The following PREX2 variants were observed in gnomAD, a reference collection of about 807,000 sequenced individuals.
PREX2 encodes the protein phosphatidylinositol 3,4,5-trisphosphate-dependent Rac exchanger 2 protein.
In PREX2, 107 loss-of-function variants were observed where a neutral mutation model predicts 203.2. That is an observed-to-expected ratio of 0.53 (90% CI 0.45 to 0.62). PREX2 has a LOEUF of 0.62. Ranked by LOEUF, PREX2 falls within the 20% of genes least tolerant of loss-of-function variation. The pLI, the probability that PREX2 is intolerant of heterozygous loss-of-function variation, is 0.00. For missense variants in PREX2, 1,777 were observed against 1,955.9 expected (o/e 0.91, Z 1.72); for synonymous variants, 672 against 663.6 (o/e 1.01, Z -0.19).
chr8:68,082,335 A>T (rs1253745145), intron 17 of PREX2: 1 of 152,132 alleles, frequency 6.6e-6, no homozygotes, highest in Non-Finnish European at 1.5e-5. Context: ...TTAGTGGTAA[A>T]CTGTCACCCA....
chr8:68,128,498 T>C (rs1810939982), intron 31 of PREX2, among the ~76,000 whole-genome samples: 1 of 152,182 alleles, frequency 6.6e-6, no homozygotes, highest in Admixed American at 6.5e-5. Flanking sequence ...TTTGCACATG[T>C]GTCTGCAGTC....
chr8:68,151,391 T>C (rs539380161), intron 34 of PREX2, among the ~76,000 whole-genome samples: 1 of 152,238 alleles, frequency 6.6e-6, no homozygotes, highest in African/African-American at 2.4e-5. Flanking sequence ...CACACCAACC[T>C]GGGCAACAGA....
chr8:68,195,696 A>G (rs1812381075), intron 37 of PREX2, among the ~76,000 whole-genome samples: 1 of 152,242 alleles, frequency 6.6e-6, no homozygotes, highest in African/African-American at 2.4e-5. Flanking sequence ...CAGAGGGGAG[A>G]AATTCACAGC....
chr8:68,190,547 T>G (rs1812270962), intron 35 of PREX2, among the ~76,000 whole-genome samples: 1 of 151,980 alleles, frequency 6.6e-6, no homozygotes, highest in African/African-American at 2.4e-5. Context: ...ATACTGAGGG[T>G]TGAAAAGCAA....
At chr8:67,971,437 C>T (rs1179536049) in intron 1 of PREX2, among the ~76,000 whole-genome samples, 2 of 151,960 alleles carry the variant, frequency 1.3e-5, no homozygotes, top group East Asian at 3.9e-4. Context: ...TTAAAAAGCT[C>T]CCCAGGTGAT....
chr8:68,133,961 G>T, intron 31 of PREX2, 98 bp from the exon 32 acceptor site: 1 of 935,094 alleles, frequency 1.1e-6, no homozygotes. Flanking sequence ...TGAGTTTAGT[G>T]AAAAGATGAA....
At chr8:68,159,105 A>G (rs538437654) in intron 35 of PREX2, among the ~76,000 whole-genome samples, 231 of 152,300 alleles carry the variant, frequency 1.5e-3, no homozygotes, top group African/African-American at 5.0e-3. Context: ...TAAAAATATC[A>G]TGAAGAAAAT....
Position 68,038,257 on chromosome 8 carries a change from C to A in PREX2, c.804C>A (p.Phe268Leu). The A allele has an allele frequency of 6.2e-7, 1 of 1,613,676 alleles. No individual in the cohort carries two copies. Among genetic ancestry groups the A allele is most frequent in the Non-Finnish European group, 8.5e-7 (1 of 1,179,796 alleles). ...TTCAAGAACGGGTGTTTTTTCTTTT[C>A]GATAATCTTTTGGTGTACTGCAAAA... The part of the protein sequence containing the change: ...GNIQERVFFL[F>L]DNLLVYCKRK... The change falls in exon 7 of 40, where the codon TTC becomes TTA. Residue 268 changes from phenylalanine to leucine, a missense_variant. Physicochemically the swap from Phe to Leu is conservative, Grantham distance 22. Coordinates refer to ENST00000288368, the MANE Select transcript of PREX2 (RefSeq NM_024870.4).
rs746149690 is a variant in PREX2, at chr8:68,055,941, A to G, written c.1205A>G (p.Lys402Arg). 6.2e-7 allele frequency: 1 copy of G among 1,612,928 alleles called. No homozygotes were observed. The highest frequency in any genetic ancestry group is 1.7e-5 in the Admixed American group (1 of 59,856). Residue 402 changes from lysine to arginine, a missense_variant, in exon 10 of 40, where the codon AAA (lysine) becomes AGA (arginine). Transcript: ENST00000288368. ...AATCTGATCAAAGACCGAAAGAGAAAACTGACTACGTTCCCTAAATGCTTT... is the reference window on the plus strand; with the variant it reads ...AATCTGATCAAAGACCGAAAGAGAAGACTGACTACGTTCCCTAAATGCTTT... The part of the protein sequence containing the change: ...QGNLIKDRKR[K>R]LTTFPKCFLG...
chr8:67,962,616 TA>T (rs1217124857), intron 1 of PREX2, among the ~76,000 whole-genome samples: 1 of 144,114 alleles, frequency 6.9e-6, no homozygotes, highest in Non-Finnish European at 1.5e-5. Context: ...TTTTTTTTTT[TA>T]TTTTTTTGAG....
intron 6 of PREX2, among the ~76,000 whole-genome samples, chr8:68,035,056 T>C (rs1807991180): frequency 6.6e-6 from 1 of 152,032 alleles, no homozygotes; most frequent in Non-Finnish European, 1.5e-5. Context: ...AAAATGAAAA[T>C]TTATGTTATT....
At chr8:68,097,653 C>T (rs190266147) in intron 22 of PREX2, among the ~76,000 whole-genome samples, 1 of 152,312 alleles carries the variant, frequency 6.6e-6, no homozygotes, top group Admixed American at 6.5e-5. Context: ...TTCTCCCCCT[C>T]CTCCACTATT....
At chr8:68,157,264 C>A in intron 34 of PREX2, 58 bp from the exon 35 acceptor site, 1 of 834,336 alleles carries the variant, frequency 1.2e-6, no homozygotes, top group Non-Finnish European at 1.9e-6. Flanking sequence ...AATTATACTA[C>A]ACGTGGAGAA....
At chr8:68,127,335 A>G in intron 30 of PREX2, 43 bp from the exon 31 acceptor site, 1 of 1,467,786 alleles carries the variant, frequency 6.8e-7, no homozygotes, top group Non-Finnish European at 9.5e-7. Context: ...TATTTGTGAC[A>G]GAAAGAGTGA....
chr8:68,087,890 GGCAGAACCAT>G, intron 19 of PREX2, 81 bp downstream of exon 19: 1 of 879,386 alleles, frequency 1.1e-6, no homozygotes, highest in Non-Finnish European at 2.0e-6. Context: ...GTTTAAAATA[GGCAGAACCAT>G]GCTGTGATGA....
chr8:68,051,445 G>T (rs186989345), intron 8 of PREX2, among the ~76,000 whole-genome samples: 2 of 152,224 alleles, frequency 1.3e-5, no homozygotes, highest in African/African-American at 2.4e-5. Flanking sequence ...CTGAAAAAAA[G>T]CTTGGGCTTG....
At chr8:68,207,906 A>G (rs754704120) in intron 37 of PREX2, among the ~76,000 whole-genome samples, 1 of 152,098 alleles carries the variant, frequency 6.6e-6, no homozygotes, top group African/African-American at 2.4e-5. Flanking sequence ...ATATGAGATC[A>G]TACAAATATG....
chr8:68,033,991 A>G (rs1395048745), intron 6 of PREX2, among the ~76,000 whole-genome samples: 1 of 152,172 alleles, frequency 6.6e-6, no homozygotes, highest in Non-Finnish European at 1.5e-5. Flanking sequence ...TCTAAAGCTT[A>G]TATTCCTTAC....
rs1810492735 is a variant in PREX2, at chr8:68,109,511, A to G, written c.3034A>G (p.Arg1012Gly). Residue 1012 changes from arginine (R) to glycine (G), a missense_variant, in exon 25 of 40, where the codon AGG becomes GGG. Transcript: ENST00000288368. ...SLGQQDGHGL[R>G]YLLKEEDLET... Reference sequence around the variant, plus strand: ...GGGACAGCAGGATGGCCATGGTCTCAGGTATCTGCTAAAAGAAGAAGACTT... The same window carrying G: ...GGGACAGCAGGATGGCCATGGTCTCGGGTATCTGCTAAAAGAAGAAGACTT... The G allele has an allele frequency of 1.2e-6, 2 of 1,613,920 alleles. No individual in the cohort carries two copies. Among genetic ancestry groups the G allele is most frequent in the African/African-American group, 2.7e-5 (2 of 74,912 alleles).
Sources: allele counts gnomAD v4.1 joint callset (sites outside exome capture counted in the v4.1 genomes callset), GRCh38; gene constraint gnomAD v4.1.1; transcripts MANE v1.5; gene names NCBI Gene and HGNC (gene_info 2026-07-23, HGNC 2026-07-21).